EIF3E: variants seen among roughly 807,000 people sequenced by gnomAD.
EIF3E encodes the protein eukaryotic translation initiation factor 3 subunit E.
EIF3E carries 25 observed loss-of-function variants against 59.3 expected under a neutral mutation model. The observed-to-expected ratio is 0.42, with a 90% CI of 0.31 to 0.59. The LOEUF (loss-of-function observed/expected upper bound fraction) is 0.59. Ranked by LOEUF, EIF3E falls within the 20% of genes least tolerant of loss-of-function variation. EIF3E has a pLI of 0.15. For synonymous variants in EIF3E, 176 were observed against 170.2 expected (o/e 1.03, Z -0.26); for missense variants, 317 against 534.3 (o/e 0.59, Z 4.01).
At chr8:108,242,150 C>T in intron 1 of EIF3E, 6 of 1,388,158 alleles carry the variant, frequency 4.3e-6, no homozygotes, top group Non-Finnish European at 5.7e-6. Context: ...TGTAGACATT[C>T]CCACCTACTT....
intron 8 of EIF3E, 133 bp downstream of exon 8, chr8:108,217,200 TA>T: frequency 1.4e-6 from 1 of 697,884 alleles, no homozygotes; most frequent in Non-Finnish European, 2.2e-6. Context: ...TTCTCTTTTC[TA>T]AACTTCAAGT....
intron 7 of EIF3E, among the ~76,000 whole-genome samples, chr8:108,219,603 C>T (rs1219875374): frequency 2.0e-5 from 3 of 152,052 alleles, no homozygotes; most frequent in African/African-American, 7.2e-5. Flanking sequence ...CGGCCAGGTG[C>T]CATGACTCAT....
chr8:108,202,001 C>T (rs186950695), intron 12 of EIF3E, 78 bp from the exon 13 acceptor site: 24 of 1,333,776 alleles, frequency 1.8e-5, no homozygotes, highest in Admixed American at 5.1e-5. Flanking sequence ...GAAAGTAACA[C>T]AGCATTTACT....
chr8:108,248,475 G>C, intron 1 of EIF3E, 138 bp downstream of exon 1: 9 of 755,614 alleles, frequency 1.2e-5, no homozygotes, highest in South Asian at 1.0e-4. Context: ...ACTACCAGAA[G>C]ATCCTTAGTG....
chr8:108,216,011 T>C (rs1815294605), intron 9 of EIF3E, among the ~76,000 whole-genome samples: 1 of 152,180 alleles, frequency 6.6e-6, no homozygotes, highest in East Asian at 1.9e-4. Context: ...GAACCAAAAT[T>C]AAAAACACAG....
At chr8:108,220,418 T>A (rs994200254) in intron 7 of EIF3E, among the ~76,000 whole-genome samples, 3 of 152,260 alleles carry the variant, frequency 2.0e-5, no homozygotes, top group Admixed American at 6.5e-5. Flanking sequence ...TGGAAATGCA[T>A]CTGCTACAAT....
rs1050764632 is a variant in EIF3E, at chr8:108,201,639, G to T, written c.*246C>A. The stretch of plus-strand genomic sequence containing the variant: ...GAGGGAAACAGGGTTCAGCCTACAG[G>T]GACTTCTCTGTACTATTTTTGCAAA... On this transcript the variant is annotated 3_prime_UTR_variant, in exon 13 of 13. Coordinates refer to ENST00000220849, the MANE Select transcript of EIF3E (RefSeq NM_001568.3). The T allele has an allele frequency of 2.6e-5, 8 of 308,486 alleles. No individual in the cohort carries two copies. Among genetic ancestry groups the T allele is most frequent in the African/African-American group, 1.5e-4 (7 of 45,682 alleles). 19.1% of individuals were successfully genotyped at this position (308,486 alleles called of 1,614,324 possible). A position where few individuals can be genotyped will look rare whatever the true frequency, so the allele number is the denominator to read the frequency against.
chr8:108,228,932 TATG>T, intron 6 of EIF3E, 135 bp downstream of exon 6: 1 of 919,420 alleles, frequency 1.1e-6, no homozygotes. Flanking sequence ...ACTAATCCAC[TATG>T]ATTTTTGTAA....
In EIF3E at chr8:108,228,221, T is replaced by C. The variant is rs775932724; in HGVS notation, c.722+46A>G. On this transcript the variant is annotated intron_variant, in intron 7 of 12. Coordinates refer to ENST00000220849, the MANE Select transcript of EIF3E (RefSeq NM_001568.3). Reference sequence around the variant, plus strand: ...TATTTTAAGTTTAAACAACTCCATGTAATTTTATCTAAACAAAGCCAAAAT... The same window carrying C: ...TATTTTAAGTTTAAACAACTCCATGCAATTTTATCTAAACAAAGCCAAAAT... The C allele has an allele frequency of 1.8e-5, 27 of 1,517,658 alleles. No homozygotes were observed. The East Asian group carries it at 6.4e-4, about 36-fold the overall frequency. 94.0% of individuals were successfully genotyped at this position (1,517,658 alleles called of 1,614,324 possible). A position where few individuals can be genotyped will look rare whatever the true frequency, so the allele number is the denominator to read the frequency against.
At chr8:108,211,770 C>T (rs1000210420) in intron 10 of EIF3E, among the ~76,000 whole-genome samples, 1 of 152,154 alleles carries the variant, frequency 6.6e-6, no homozygotes, top group Non-Finnish European at 1.5e-5. Flanking sequence ...CCTCAAGATA[C>T]AGCACAGCAG....
rs1040604525 is a variant in EIF3E at position 108,235,166 on chromosome 8, C to T, written c.367-64G>A. ...AGAGTTTTAAAACCCCATTGTAATT[C>T]ATAAGTCTTTGAGGTCAAAACTATG... On this transcript the variant is annotated intron_variant, in intron 4 of 12. Coordinates refer to ENST00000220849, the MANE Select transcript of EIF3E (RefSeq NM_001568.3). The T allele has an allele frequency of 3.4e-5, 36 of 1,043,614 alleles. No homozygotes were observed. The East Asian group carries it at 3.6e-4, about 10-fold the overall frequency. The allele number at this position is 1,043,614 out of a possible 1,614,324, so 64.6% of individuals were successfully genotyped here. A position where few individuals can be genotyped will look rare whatever the true frequency, so the allele number is the denominator to read the frequency against.
intron 7 of EIF3E, 87 bp downstream of exon 7, chr8:108,228,180 A>G (rs1815554153): frequency 1.5e-6 from 2 of 1,362,622 alleles, no homozygotes; most frequent in Non-Finnish European, 1.9e-6. Context: ...ACAAATTCAA[A>G]TGATAGAAAA....
chr8:108,203,481 T>G lies in EIF3E; in HGVS notation c.1084A>C (p.Met362Leu). 6.2e-7 allele frequency: 1 copy of G among 1,612,672 alleles called. No homozygotes were observed. The highest frequency in any genetic ancestry group is 8.5e-7 in the Non-Finnish European group (1 of 1,179,016). Residue 362 changes from methionine to leucine, a missense_variant, in exon 11 of 13, where the codon ATG becomes CTG. Transcript: ENST00000220849. ...CACCTTTCAGCTTCTTCTGGAGTCA[T>G]GTTCAATTTATCTGCCAACATGCTA... ...SINMLADKLNMTPEEAERWIV... is the reference protein window; with the variant it reads ...SINMLADKLNLTPEEAERWIV...
chr8:108,219,538 T>C (rs750603870), intron 7 of EIF3E, among the ~76,000 whole-genome samples: 13 of 152,214 alleles, frequency 8.5e-5, no homozygotes, highest in Non-Finnish European at 1.5e-4. Flanking sequence ...AATGTTTTTC[T>C]GATAATGTAA....
rs948064452 is a variant in EIF3E, at chr8:108,201,675, T to A, written c.*210A>T. 13 of 444,444 alleles carry A rather than the reference T, an allele frequency of 2.9e-5. No individual in the cohort carries two copies. The highest frequency in any genetic ancestry group is 2.5e-4 in the African/African-American group (12 of 48,462). The allele number at this position is 444,444 out of a possible 1,614,324, so 27.5% of individuals were successfully genotyped here. A position where few individuals can be genotyped will look rare whatever the true frequency, so the allele number is the denominator to read the frequency against. ...TACTATTTTTGCAAATTCCTCTGAA[T>A]ATAATTATTCCAAAAAAGAAAGTTA... On this transcript the variant is annotated 3_prime_UTR_variant, in exon 13 of 13. Transcript: ENST00000220849.
chr8:108,225,652 T>C (rs1815503148), intron 7 of EIF3E, among the ~76,000 whole-genome samples: 1 of 151,642 alleles, frequency 6.6e-6, no homozygotes, highest in African/African-American at 2.4e-5. Context: ...TGAATTTTAC[T>C]GTATCTTCAA....
At chr8:108,233,696 T>G in intron 5 of EIF3E, 1 of 403,724 alleles carries the variant, frequency 2.5e-6, no homozygotes, top group Middle Eastern at 3.6e-4. Context: ...AAATTAAAAA[T>G]TAGCCATGAG....
Position 108,206,219 on chromosome 8 carries a change from G to C in EIF3E, c.1062-2716C>G, listed in dbSNP as rs1476243026. Among the ~76,000 whole-genome samples the C allele has an allele frequency of 5.3e-5, 8 of 152,108 alleles. No homozygotes were observed. In the East Asian group the frequency reaches 1.6e-3, roughly 29 times the overall value. On this transcript the variant is annotated intron_variant, in intron 10 of 12. Coordinates refer to ENST00000220849, the MANE Select transcript of EIF3E (RefSeq NM_001568.3). ...CCAGCCTTTACAGAGTTTAAGTCAA[G>C]GGGGTCTTGACTTAAACATCGCTTG...
intron 9 of EIF3E, among the ~76,000 whole-genome samples, chr8:108,215,879 T>C (rs1290313740): frequency 6.6e-6 from 1 of 152,218 alleles, no homozygotes; most frequent in Non-Finnish European, 1.5e-5. Context: ...AAAGGTACTT[T>C]AATTTCTACT....
Sources: gnomAD v4.1 joint callset for allele counts (sites outside exome capture counted in the v4.1 genomes callset) on GRCh38, gnomAD v4.1.1 for gene constraint, MANE v1.5 for transcripts, NCBI Gene and HGNC (gene_info 2026-07-23, HGNC 2026-07-21) for gene names.